The following SLC14A2 variants were observed in gnomAD, a reference collection of about 807,000 sequenced individuals.
SLC14A2 encodes the protein solute carrier family 14 member 2, also known as urea transporter 2.
In SLC14A2, 91 loss-of-function variants were observed where a neutral mutation model predicts 104.6. That is an observed-to-expected ratio of 0.87 (90% confidence interval 0.73 to 1.04). The LOEUF (loss-of-function observed/expected upper bound fraction) is 1.04. Ranked by LOEUF, SLC14A2 falls within the 50% of genes least tolerant of loss-of-function variation. The pLI is 0.00. For missense variants in SLC14A2, 1,189 were observed against 1,156.0 expected, an observed-to-expected ratio of 1.03 and a Z score of -0.41; for synonymous variants, 476 against 466.4, an observed-to-expected ratio of 1.02 and a Z score of -0.27.
At chr18:45,419,500 G>A (rs12606651) in intron 1 of SLC14A2, among the ~76,000 whole-genome samples, 9 of 152,240 alleles carry the variant, frequency 5.9e-5, no homozygotes, top group Non-Finnish European at 8.8e-5. Context: ...CAGGTCGGGC[G>A]TGGTGGCTCA....
intron 1 of SLC14A2, among the ~76,000 whole-genome samples, chr18:45,616,593 G>C (rs1331082055): frequency 6.6e-6 from 1 of 152,210 alleles, no homozygotes; most frequent in Non-Finnish European, 1.5e-5. Context: ...AGACTGAAGT[G>C]AGGGAAATCA....
chr18:45,427,951 G>T (rs188811470), intron 1 of SLC14A2, among the ~76,000 whole-genome samples: 2 of 152,298 alleles, frequency 1.3e-5, no homozygotes, highest in East Asian at 1.9e-4. Flanking sequence ...TTCCCACAAA[G>T]GTGTCGTGAA....
chr18:45,307,300 C>A (rs1396287534), intron 1 of SLC14A2, among the ~76,000 whole-genome samples: 1 of 151,746 alleles, frequency 6.6e-6, no homozygotes, highest in Non-Finnish European at 1.5e-5. Context: ...TGCCTGTAAT[C>A]CCAGCTACTT....
intron 1 of SLC14A2, among the ~76,000 whole-genome samples, chr18:45,418,867 G>T (rs993364598): frequency 1.3e-5 from 2 of 152,094 alleles, no homozygotes; most frequent in African/African-American, 4.8e-5. Flanking sequence ...TCTCCATTTT[G>T]GTAGTGATTT....
intron 1 of SLC14A2, among the ~76,000 whole-genome samples, chr18:45,457,551 C>T (rs2086966146): frequency 6.6e-6 from 1 of 152,138 alleles, no homozygotes; most frequent in African/African-American, 2.4e-5. Flanking sequence ...GGCCACATTT[C>T]TCAAGCCCAG....
chr18:45,662,431 C>T (rs564795693), intron 10 of SLC14A2, among the ~76,000 whole-genome samples: 1 of 152,318 alleles, frequency 6.6e-6, no homozygotes, highest in East Asian at 1.9e-4. Flanking sequence ...TGATCTACCC[C>T]AGTGCTTTCC....
chr18:45,278,231 C>G (rs1415962191), intron 1 of SLC14A2, among the ~76,000 whole-genome samples: 1 of 152,122 alleles, frequency 6.6e-6, no homozygotes, highest in Non-Finnish European at 1.5e-5. Flanking sequence ...CATTCTTGTG[C>G]TTTTGGTGGA....
At chr18:45,171,013 T>C in the SLC14A2 span, among the ~76,000 whole-genome samples, 1 of 145,520 alleles carries the variant, frequency 6.9e-6, no homozygotes, top group Non-Finnish European at 1.6e-5. Context: ...AATAATAATG[T>C]AAGTACACAT....
Position 45,644,158 on chromosome 18 carries a change from G to A in SLC14A2, c.1349G>A (p.Ser450Asn), listed in dbSNP as rs749326689. ...VKSGEEEKAP[S>N]GGGGEHPPTA... is the part of the protein sequence containing the mutation. ...AGCGGTGAAGAAGAGAAGGCCCCCAGCGGTGAATAGCCATGTTCGGGGAAG... is the reference window on the plus strand; with the variant it reads ...AGCGGTGAAGAAGAGAAGGCCCCCAACGGTGAATAGCCATGTTCGGGGAAG... Residue 450 changes from serine to asparagine, a missense_variant and splice_region_variant, in exon 10 of 20, where the codon AGC becomes AAC. Physicochemically the swap from Ser to Asn is conservative, Grantham distance 46. Transcript: ENST00000255226. The A allele has an allele frequency of 6.2e-7, 1 of 1,614,162 alleles. No individual in the cohort carries two copies. Among genetic ancestry groups the A allele is most frequent in the Admixed American group, 1.7e-5 (1 of 60,024 alleles).
At chr18:45,512,287 G>C (rs908733612) in intron 2 of SLC14A2, among the ~76,000 whole-genome samples, 2 of 152,046 alleles carry the variant, frequency 1.3e-5, no homozygotes, top group African/African-American at 4.8e-5. Context: ...ATATAGCTCA[G>C]GAATTAGGAG....
intron 2 of SLC14A2, among the ~76,000 whole-genome samples, chr18:45,533,011 C>A (rs896088083): frequency 1.3e-5 from 2 of 150,340 alleles, no homozygotes; most frequent in Non-Finnish European, 3.0e-5. Flanking sequence ...TATTGATTTG[C>A]GTATGTTGAA....
chr18:45,228,588 G>A (rs2084142704), intron 1 of SLC14A2, among the ~76,000 whole-genome samples: 1 of 152,096 alleles, frequency 6.6e-6, no homozygotes, highest in Admixed American at 6.6e-5. Context: ...TTCTTCAGAG[G>A]GATTTCTGGA....
intron 8 of SLC14A2, 128 bp downstream of exon 8, chr18:45,641,471 C>T (rs2045527533): frequency 9.6e-7 from 1 of 1,038,222 alleles, no homozygotes; most frequent in Non-Finnish European, 1.4e-6. Context: ...GGCTTGCGTC[C>T]TAATGCCAGT....
chr18:45,635,126 G>C (rs1461761874), intron 5 of SLC14A2, among the ~76,000 whole-genome samples: 3 of 152,218 alleles, frequency 2.0e-5, no homozygotes, highest in African/African-American at 7.2e-5. Flanking sequence ...GTCGGTGGCA[G>C]GAGACAGGAT....
chr18:45,640,554 C>G (rs1028073639), intron 7 of SLC14A2, among the ~76,000 whole-genome samples: 7 of 152,188 alleles, frequency 4.6e-5, no homozygotes, highest in Non-Finnish European at 1.0e-4. Context: ...GGTATTTGCT[C>G]TTTCTGACAA....
intron 1 of SLC14A2, among the ~76,000 whole-genome samples, chr18:45,404,097 A>G (rs987049091): frequency 2.4e-4 from 36 of 152,076 alleles, no homozygotes; most frequent in African/African-American, 8.5e-4. Flanking sequence ...AAACTCTATT[A>G]CCTCTTCCCA....
chr18:45,473,289 A>G lies in SLC14A2; in HGVS notation c.-124-9944A>G, dbSNP rs111629334. On this transcript the variant is annotated intron_variant, in intron 1 of 20. Transcript: ENST00000586448. The stretch of plus-strand genomic sequence containing the variant: ...GTTTTGGTTACTGTAGCGTTGTAGT[A>G]TGGTTTGAAGTCAGGTAGCATCATG... Among the ~76,000 whole-genome samples the G allele has an allele frequency of 2.9e-3, 447 of 152,252 alleles. 5 individuals carry two copies. The highest frequency in any genetic ancestry group is 8.5e-3 in the African/African-American group (354 of 41,526).
chr18:45,638,095 A>G (rs2045453080), intron 6 of SLC14A2, among the ~76,000 whole-genome samples: 1 of 152,146 alleles, frequency 6.6e-6, no homozygotes, highest in African/African-American at 2.4e-5. Flanking sequence ...TCCCGGATGG[A>G]AAGGTGGACG....
In SLC14A2 at chr18:45,351,028, C is replaced by T. The variant is rs372515254; in HGVS notation, c.-124-132205C>T. Among the ~76,000 whole-genome samples the T allele has an allele frequency of 1.3e-4, 20 of 152,230 alleles. No individual in the cohort carries two copies. In the East Asian group the frequency reaches 2.3e-3, roughly 18 times the overall value. ...ACTCCTGGCCTGACGTTCCTAACTC[C>T]ACACCGTCTCTCCCTTTCTTCTTTC... is the stretch of plus-strand genomic sequence containing the variant. On this transcript the variant is annotated intron_variant, in intron 1 of 20. Coordinates refer to the SLC14A2 transcript ENST00000586448.
Sources: gnomAD v4.1 joint callset for allele counts (sites outside exome capture counted in the v4.1 genomes callset) on GRCh38, gnomAD v4.1.1 for gene constraint, MANE v1.5 for transcripts, NCBI Gene and HGNC (gene_info 2026-07-23, HGNC 2026-07-21) for gene names.